Variants in NTM observed in about 807,000 individuals in gnomAD.
NTM encodes the protein neurotrimin.
A neutral mutation model predicts 42.1 loss-of-function variants in NTM; 13 were observed. The observed-to-expected ratio is 0.31, with a 90% CI of 0.20 to 0.49. NTM has a LOEUF of 0.49. Ranked by LOEUF, NTM falls within the 20% of genes least tolerant of loss-of-function variation. The probability of loss-of-function intolerance (pLI) is 0.99; values close to 1 mark genes in which losing one functional copy is unlikely to be tolerated. For missense variants in NTM, 373 were observed against 452.8 expected (o/e 0.82, Z 1.60); for synonymous variants, 187 against 179.2 (o/e 1.04, Z -0.35).
chr11:131,911,304 G>A (rs1267205086), intron 1 of NTM: 3 of 1,439,650 alleles, frequency 2.1e-6, no homozygotes, highest in Admixed American at 5.6e-5. Context: ...CTGGATTTGG[G>A]GGAGGAATAT....
intron 1 of NTM, among the ~76,000 whole-genome samples, chr11:131,716,542 A>G (rs1019551598): frequency 6.6e-6 from 1 of 152,138 alleles, no homozygotes; most frequent in Non-Finnish European, 1.5e-5. Flanking sequence ...AATTTTCATC[A>G]CAGCAATTCT....
At chr11:131,726,696 G>C (rs1010680876) in intron 1 of NTM, among the ~76,000 whole-genome samples, 6 of 151,158 alleles carry the variant, frequency 4.0e-5, no homozygotes, top group African/African-American at 1.5e-4. Flanking sequence ...CAAGAACCCA[G>C]TCACCCCATT....
chr11:131,371,117 G>A, intron 1 of NTM: 1 of 985,108 alleles, frequency 1.0e-6, no homozygotes, highest in Non-Finnish European at 1.2e-6. Flanking sequence ...AGTAAAATGT[G>A]TTTGGTGCTC....
intron 3 of NTM, among the ~76,000 whole-genome samples, chr11:132,205,856 G>A (rs894288648): frequency 3.3e-5 from 5 of 152,062 alleles, no homozygotes; most frequent in African/African-American, 1.2e-4. Context: ...CTTCCTGGAT[G>A]TCCCTCATCA....
chr11:131,683,549 G>A (rs571973078), intron 1 of NTM, among the ~76,000 whole-genome samples: 1 of 152,226 alleles, frequency 6.6e-6, no homozygotes, highest in Non-Finnish European at 1.5e-5. Flanking sequence ...TGCATGATAG[G>A]GTGGGTTTGT....
intron 2 of NTM, among the ~76,000 whole-genome samples, chr11:132,062,383 A>G (rs927947109): frequency 3.3e-5 from 5 of 152,218 alleles, no homozygotes; most frequent in African/African-American, 1.2e-4. Context: ...CCTGAAGCTC[A>G]TTCTACAGCA....
intron 2 of NTM, among the ~76,000 whole-genome samples, chr11:132,099,544 C>T (rs2061395955): frequency 6.6e-6 from 1 of 152,076 alleles, no homozygotes; most frequent in African/African-American, 2.4e-5. Context: ...GACTGAGGGA[C>T]AAAGAGGTGA....
intron 3 of NTM, among the ~76,000 whole-genome samples, chr11:132,190,984 C>T (rs1246753894): frequency 6.6e-6 from 1 of 151,886 alleles, no homozygotes; most frequent in Non-Finnish European, 1.5e-5. Context: ...TTACTCTAGT[C>T]ATGATGTACA....
At chr11:132,287,837 G>A (rs928163991) in intron 4 of NTM, among the ~76,000 whole-genome samples, 1 of 152,204 alleles carries the variant, frequency 6.6e-6, no homozygotes, top group Non-Finnish European at 1.5e-5. Flanking sequence ...ATGTCCAAAT[G>A]CAGGATATGG....
At chr11:131,879,749 A>AT (rs56168697) in intron 1 of NTM, among the ~76,000 whole-genome samples, 1 of 151,970 alleles carries the variant, frequency 6.6e-6, no homozygotes, top group South Asian at 2.1e-4. Flanking sequence ...ACTTCCAAAA[A>AT]ATCCTTGGCT....
intron 1 of NTM, among the ~76,000 whole-genome samples, chr11:131,532,308 G>A (rs1001516745): frequency 2.0e-5 from 3 of 152,190 alleles, no homozygotes; most frequent in African/African-American, 7.2e-5. Context: ...TTTTATGGAA[G>A]TGAAATCATT....
chr11:131,454,429 T>C (rs562297480), intron 1 of NTM, among the ~76,000 whole-genome samples: 1 of 152,236 alleles, frequency 6.6e-6, no homozygotes, highest in East Asian at 1.9e-4. Context: ...TTCCTCCCTA[T>C]CCTTGTCTCT....
At chr11:131,416,245 A>G (rs1278325390) in intron 1 of NTM, among the ~76,000 whole-genome samples, 1 of 151,116 alleles carries the variant, frequency 6.6e-6, no homozygotes, top group African/African-American at 2.4e-5. Flanking sequence ...ATATCTCAAT[A>G]TTGTGTTCTT....
intron 1 of NTM, among the ~76,000 whole-genome samples, chr11:131,865,108 T>G (rs2137002140): frequency 6.6e-6 from 1 of 152,338 alleles, no homozygotes; most frequent in South Asian, 2.1e-4. Flanking sequence ...TATCATGCGC[T>G]CTACCCTGAG....
At chr11:131,438,537 T>G (rs1019117380) in intron 1 of NTM, among the ~76,000 whole-genome samples, 1 of 152,214 alleles carries the variant, frequency 6.6e-6, no homozygotes, top group Non-Finnish European at 1.5e-5. Flanking sequence ...AATTTGACCT[T>G]CAATCACCGA....
intron 1 of NTM, among the ~76,000 whole-genome samples, chr11:131,517,941 T>A (rs2049107269): frequency 6.6e-6 from 1 of 152,188 alleles, no homozygotes; most frequent in Admixed American, 6.5e-5. Context: ...ACATCCTCAT[T>A]TACATGGAAT....
intron 3 of NTM, among the ~76,000 whole-genome samples, chr11:132,207,153 G>T (rs1242264986): frequency 6.6e-6 from 1 of 152,190 alleles, no homozygotes; most frequent in Non-Finnish European, 1.5e-5. Flanking sequence ...TCTGTGGCCT[G>T]TTAGGAACCA....
At position 132,108,925 on chromosome 11, in the gene NTM, A is replaced by C. The variant is rs192712532; in HGVS notation, c.168-37357A>C. ...TGTGTCCATGTGTTCTCATTGTTCA[A>C]CTCCCACTTATGAGTGAGAACATGC... On this transcript the variant is annotated intron_variant, in intron 2 of 8. Transcript: ENST00000683400. Among the ~76,000 whole-genome samples the C allele has an allele frequency of 2.1e-3, 324 of 151,704 alleles. 1 individual carries two copies. Among genetic ancestry groups the C allele is most frequent in the African/African-American group, 7.4e-3 (307 of 41,348 alleles).
intron 1 of NTM, among the ~76,000 whole-genome samples, chr11:131,649,984 G>A (rs149522583): frequency 3.2e-4 from 49 of 152,230 alleles, no homozygotes; most frequent in Admixed American, 9.2e-4. Flanking sequence ...CTTCTTTCCC[G>A]TTTATCTGAT....
Sources: gnomAD v4.1 joint callset for allele counts (sites outside exome capture counted in the v4.1 genomes callset) on GRCh38, gnomAD v4.1.1 for gene constraint, MANE v1.5 for transcripts, NCBI Gene and HGNC (gene_info 2026-07-23, HGNC 2026-07-21) for gene names.